FBRSL1: variants seen among roughly 807,000 people sequenced by gnomAD.
FBRSL1 encodes fibrosin like 1, also known as fibrosin-1-like protein.
FBRSL1 carries 51 observed loss-of-function variants against 89.6 expected under a neutral mutation model. The observed-to-expected ratio is 0.57, with a 90% CI of 0.45 to 0.72. The LOEUF is 0.72. Ranked by LOEUF, FBRSL1 falls within the 30% of genes least tolerant of loss-of-function variation. The pLI is 0.00. For missense variants in FBRSL1, 1,618 were observed against 1,451.8 expected (o/e 1.11, Z -1.86); for synonymous variants, 779 against 681.1 (o/e 1.14, Z -2.24).
chr12:132,569,897 G>A (rs2039888951), intron 6 of FBRSL1, 29 bp from the exon 7 acceptor site: 1 of 1,361,980 alleles, frequency 7.3e-7, no homozygotes, highest in African/African-American at 1.5e-5. Flanking sequence ...GGCCCTGCTG[G>A]TCTGAACGCA....
chr12:132,576,992 C>G, intron 15 of FBRSL1, 61 bp downstream of exon 15: 1 of 1,511,102 alleles, frequency 6.6e-7, no homozygotes, highest in South Asian at 1.3e-5. Context: ...CCCAGCTGAG[C>G]CTGCCTTCCT....
chr12:132,534,056 AC>A (rs1442933326), intron 4 of FBRSL1, among the ~76,000 whole-genome samples: 1 of 152,054 alleles, frequency 6.6e-6, no homozygotes, highest in Non-Finnish European at 1.5e-5. Context: ...ATCCCCCACC[AC>A]CCCAGGCTAA....
intron 2 of FBRSL1, among the ~76,000 whole-genome samples, chr12:132,514,777 T>C (rs541771548): frequency 1.9e-4 from 29 of 152,324 alleles, no homozygotes; most frequent in Non-Finnish European, 4.0e-4. Context: ...AGGGCAGCAC[T>C]GTTTAATAGG....
intron 14 of FBRSL1, among the ~76,000 whole-genome samples, chr12:132,574,971 C>T (rs375881687): frequency 6.6e-6 from 1 of 151,980 alleles, no homozygotes; most frequent in Non-Finnish European, 1.5e-5. Flanking sequence ...GTGCTCACAA[C>T]TGATGTGCAC....
intron 4 of FBRSL1, among the ~76,000 whole-genome samples, chr12:132,532,323 A>G (rs747809166): frequency 1.8e-4 from 27 of 152,170 alleles, no homozygotes; most frequent in Non-Finnish European, 3.5e-4. Context: ...CCCCCACCTC[A>G]GTGACTGGGA....
chr12:132,509,433 C>T lies in FBRSL1; in HGVS notation c.489+1083C>T, dbSNP rs914373023. On this transcript the variant is annotated intron_variant, in intron 2 of 18. Coordinates refer to ENST00000680143, the MANE Select transcript of FBRSL1 (RefSeq NM_001367871.1). ...ACTTCTGGGCCCCGGTCAGCCCTGC[C>T]GGCCCCAGCGGCTCCTTCCATCCCC... The T allele has an allele frequency of 3.0e-5, 37 of 1,241,476 alleles. No individual in the cohort carries two copies. In the South Asian group the frequency reaches 4.0e-4, roughly 14 times the overall value. 76.9% of individuals were successfully genotyped at this position (1,241,476 alleles called of 1,614,324 possible).
rs1285773097 is a variant in FBRSL1, at chr12:132,525,782, A to C, written c.538A>C (p.Ser180Arg). Residue 180 changes from serine to arginine, a missense_variant, in exon 3 of 19, where the codon AGC becomes CGC. Transcript: ENST00000680143. ...KGGDRDSDDDSVLEATSSRDP... is the reference protein window; with the variant it reads ...KGGDRDSDDDRVLEATSSRDP... ...GGGCGACCGGGACAGTGACGACGAC[A>C]GCGTCCTCGAAGCCACCAGCTCCCG... is the stretch of plus-strand genomic sequence containing the variant. The C allele has an allele frequency of 2.6e-6, 4 of 1,549,876 alleles. No homozygotes were observed. The Admixed American group carries it at 7.8e-5, about 30-fold the overall frequency.
intron 1 of FBRSL1, among the ~76,000 whole-genome samples, chr12:132,504,904 C>T (rs954512046): frequency 3.3e-5 from 5 of 152,028 alleles, no homozygotes; most frequent in East Asian, 1.9e-4. Context: ...CTGAGGTGGG[C>T]GGATCACCTG....
At chr12:132,494,760 C>CT (rs962068216) in intron 1 of FBRSL1, among the ~76,000 whole-genome samples, 2 of 152,226 alleles carry the variant, frequency 1.3e-5, no homozygotes, top group Admixed American at 6.5e-5. Flanking sequence ...TGTTCCCTGA[C>CT]TGGCACACGG....
At chr12:132,564,957 G>A (rs2039495330) in intron 5 of FBRSL1, 1 of 152,210 alleles carries the variant, frequency 6.6e-6, no homozygotes, top group Non-Finnish European at 1.5e-5. Flanking sequence ...TTGGAGAGCT[G>A]TGGGTCTCGC....
intron 4 of FBRSL1, among the ~76,000 whole-genome samples, chr12:132,531,374 T>C (rs1269447785): frequency 2.0e-5 from 3 of 152,070 alleles, no homozygotes; most frequent in African/African-American, 7.2e-5. Flanking sequence ...GGCGTGTGTG[T>C]GCATGTGCAT....
rs369858668 is a variant in FBRSL1 at position 132,493,435 on chromosome 12, A to T, written c.291+2574A>T. 2.4e-4 allele frequency among the ~76,000 whole-genome samples: 37 copies of T among 152,308 alleles called. No homozygotes were observed. In the East Asian group the frequency reaches 3.3e-3, roughly 13 times the overall value. On this transcript the variant is annotated intron_variant, in intron 1 of 18. Coordinates refer to ENST00000680143, the MANE Select transcript of FBRSL1 (RefSeq NM_001367871.1). ...AGGTGTAGACTTGCCGGGGAGGTGC[A>T]GCCTGCCTGCAGGAGTCCTGTTACC...
chr12:132,491,472 C>T (rs2030948948), intron 1 of FBRSL1, among the ~76,000 whole-genome samples: 1 of 152,264 alleles, frequency 6.6e-6, no homozygotes. Context: ...TAAATGCTGT[C>T]TGAGAGTTGG....
chr12:132,572,491 T>TG, intron 10 of FBRSL1, 36 bp from the exon 11 acceptor site: 1 of 1,520,316 alleles, frequency 6.6e-7, no homozygotes, highest in Non-Finnish European at 8.9e-7. Context: ...GGTGAGGACT[T>TG]GGGCCCCCCC....
At chr12:132,528,361 T>C (rs979950923) in intron 4 of FBRSL1, among the ~76,000 whole-genome samples, 15 of 152,138 alleles carry the variant, frequency 9.9e-5, no homozygotes, top group Non-Finnish European at 1.8e-4. Flanking sequence ...GGGCTGCTTC[T>C]TGGGGTCCTG....
intron 9 of FBRSL1, 74 bp from the exon 10 acceptor site, chr12:132,572,214 C>T (rs1246743309): frequency 2.8e-6 from 4 of 1,406,974 alleles, no homozygotes; most frequent in Non-Finnish European, 3.9e-6. Flanking sequence ...CCAGCCCGGC[C>T]AGGTGGGCGG....
chr12:132,505,156 A>G (rs1457816840), intron 1 of FBRSL1, among the ~76,000 whole-genome samples: 1 of 152,196 alleles, frequency 6.6e-6, no homozygotes, highest in Non-Finnish European at 1.5e-5. Flanking sequence ...GGCCTGACCC[A>G]CCACTTAGCA....
At chr12:132,547,564 C>T (rs2037802975) in intron 4 of FBRSL1, among the ~76,000 whole-genome samples, 1 of 147,556 alleles carries the variant, frequency 6.8e-6, no homozygotes, top group South Asian at 2.1e-4. Flanking sequence ...CATGTGGTGC[C>T]ATCGATCCCC....
intron 5 of FBRSL1, chr12:132,552,846 C>T (rs930916715): frequency 1.8e-4 from 30 of 165,132 alleles, no homozygotes; most frequent in African/African-American, 6.3e-4. Flanking sequence ...GACGGATGGA[C>T]GGCTGGACAG....
Sources: gnomAD v4.1 joint callset for allele counts (sites outside exome capture counted in the v4.1 genomes callset) on GRCh38, gnomAD v4.1.1 for gene constraint, MANE v1.5 for transcripts, NCBI Gene and HGNC (gene_info 2026-07-23, HGNC 2026-07-21) for gene names.